The following ATXN2 variants were observed in gnomAD, a reference collection of about 807,000 sequenced individuals.
ATXN2 encodes the protein ataxin 2, also known as ataxin-2.
Under a neutral mutation model 138.6 loss-of-function variants are expected in ATXN2, and 37 were observed. That is an observed-to-expected ratio of 0.27 (90% CI 0.21 to 0.35). The LOEUF is 0.35. Among genes scored for constraint, ATXN2 ranks in the 10% least tolerant of loss-of-function variants. ATXN2 has a pLI of 1.00. For synonymous variants in ATXN2, 549 were observed against 543.7 expected (o/e 1.01, Z -0.13); for missense variants, 1,216 against 1,480.3 (o/e 0.82, Z 2.93).
intron 5 of ATXN2, among the ~76,000 whole-genome samples, chr12:111,539,056 T>C (rs1469624873): frequency 2.7e-5 from 4 of 150,410 alleles, no homozygotes; most frequent in Non-Finnish European, 6.0e-5. Flanking sequence ...AAGATTCCAA[T>C]ACAAAGATAC....
At chr12:111,481,688 CTCTT>C (rs1877252300) in intron 18 of ATXN2, among the ~76,000 whole-genome samples, 1 of 152,140 alleles carries the variant, frequency 6.6e-6, no homozygotes, top group East Asian at 1.9e-4. Flanking sequence ...TTGAGACTCA[CTCTT>C]TCACTCAGGC....
intron 1 of ATXN2, among the ~76,000 whole-genome samples, chr12:111,579,919 C>T (rs1306360109): frequency 6.6e-6 from 1 of 151,890 alleles, no homozygotes; most frequent in Non-Finnish European, 1.5e-5. Flanking sequence ...AGGCTGGTCT[C>T]GAACTCCTGA....
intron 15 of ATXN2, 71 bp downstream of exon 15, chr12:111,488,405 G>T: frequency 6.9e-7 from 1 of 1,451,998 alleles, no homozygotes; most frequent in Non-Finnish European, 9.3e-7. Flanking sequence ...ACAGTTGGAA[G>T]GACCTAAATG....
intron 1 of ATXN2, among the ~76,000 whole-genome samples, chr12:111,557,512 A>G (rs1882454708): frequency 6.6e-6 from 1 of 152,222 alleles, no homozygotes; most frequent in African/African-American, 2.4e-5. Flanking sequence ...ATCTTACTAC[A>G]AAACCAGACA....
At position 111,582,988 on chromosome 12, in the gene ATXN2, TG is replaced by T. The variant is rs1303691081; in HGVS notation, c.251+15795del. On this transcript the variant is annotated intron_variant, in intron 1 of 24. Transcript: ENST00000673436. ...CGGCCAGTATCTCAGTTTTTTTTTT[TG>T]TTTGTTTTTTTTTTTTTTTTGGAGA... Among the ~76,000 whole-genome samples the T allele has an allele frequency of 7.4e-3, 762 of 103,416 alleles. 9 individuals are homozygous for T. Among genetic ancestry groups the T allele is most frequent in the African/African-American group, 0.027 (663 of 24,180 alleles). 67.8% of individuals were successfully genotyped at this position (103,416 alleles called of 152,430 possible). A position where few individuals can be genotyped will look rare whatever the true frequency, so the allele number is the denominator to read the frequency against.
intron 1 of ATXN2, among the ~76,000 whole-genome samples, chr12:111,566,486 C>T (rs1214695287): frequency 6.6e-6 from 1 of 151,304 alleles, no homozygotes. Context: ...AAGGCTACTA[C>T]TGCCATTCAT....
intron 16 of ATXN2, 132 bp downstream of exon 16, chr12:111,486,629 T>C (rs1325111625): frequency 8.9e-6 from 6 of 674,748 alleles, no homozygotes; most frequent in Non-Finnish European, 1.5e-5. Context: ...TTAATGGCCA[T>C]GTAAAAAAAA....
At position 111,453,514 on chromosome 12, in the gene ATXN2, C is replaced by G; in HGVS notation, c.3439+163G>C. ...ACTCGGCTCCCGGAAGCCTCAGGCC[C>G]TGATGCTGAACTGATCGTCACAGTC... is the stretch of plus-strand genomic sequence containing the variant. On this transcript the variant is annotated intron_variant, in intron 24 of 24. Transcript: ENST00000673436. This position sits in a 1 kb window ranked among gnomAD's most constrained non-coding sequence, Gnocchi z 5.4. 7.4e-7 allele frequency: 1 copy of G among 1,351,328 alleles called. No homozygotes were observed. The highest frequency in any genetic ancestry group is 9.5e-7 in the Non-Finnish European group (1 of 1,054,726). The allele number at this position is 1,351,328 out of a possible 1,614,324, so 83.7% of individuals were successfully genotyped here.
chr12:111,594,712 G>A (rs768136703), intron 1 of ATXN2, among the ~76,000 whole-genome samples: 14 of 152,064 alleles, frequency 9.2e-5, no homozygotes, highest in Non-Finnish European at 1.6e-4. Flanking sequence ...GTCAACCAGC[G>A]AAAATTCCCA....
At chr12:111,510,799 T>C (rs1879460285) in intron 11 of ATXN2, 6 of 382,262 alleles carry the variant, frequency 1.6e-5, no homozygotes, top group Non-Finnish European at 2.8e-5. Context: ...AACATAAGTA[T>C]GATTTTCTCT....
chr12:111,453,239 C>T lies in ATXN2; in HGVS notation c.3440-399G>A, dbSNP rs529948392. 2.7e-5 allele frequency: 29 copies of T among 1,070,876 alleles called. No homozygotes were observed. Among genetic ancestry groups the T allele is most frequent in the Admixed American group, 1.5e-4 (3 of 19,466 alleles). 66.3% of individuals were successfully genotyped at this position (1,070,876 alleles called of 1,614,324 possible). On this transcript the variant is annotated intron_variant, in intron 24 of 24. Transcript: ENST00000673436. This position sits in a 1 kb window ranked among gnomAD's most constrained non-coding sequence, Gnocchi z 5.4. ...TCCCCTGTTCAGGGGCTGGGGCTAA[C>T]GCTACACTCAAAGCCAGTCCATCCA... is the stretch of plus-strand genomic sequence containing the variant.
rs776851542 is a variant in ATXN2 at position 111,453,800 on chromosome 12, C to T, written c.3316G>A (p.Ala1106Thr). 1 of 1,614,072 alleles carries T rather than the reference C, an allele frequency of 6.2e-7. No individual in the cohort carries two copies. The highest frequency in any genetic ancestry group is 8.5e-7 in the Non-Finnish European group (1 of 1,179,986). ...TGTGTCGTCATTAGCATCATTGGCG[C>T]ATGGGCAGTTGGATGAGAAGGAACC... is the stretch of plus-strand genomic sequence containing the variant. Reference protein sequence around the residue: ...GMVPSHPTAHAPMMLMTTQPP... With the variant: ...GMVPSHPTAHTPMMLMTTQPP... Residue 1106 changes from alanine to threonine, a missense_variant, in exon 24 of 25, where the codon GCG (alanine) becomes ACG (threonine). Physicochemically the swap from Ala to Thr is moderately conservative, Grantham distance 58. Around this residue, in one of 4 missense-constraint regions of ATXN2, gnomAD observed 490 missense variants for 653.5 expected, o/e 0.75. Coordinates refer to ENST00000673436, the MANE Select transcript of ATXN2 (RefSeq NM_001372574.1). The surrounding 1 kb of genome is among the most constrained non-coding windows in gnomAD (Gnocchi z 5.4).
At chr12:111,495,499 A>T (rs1035890945) in intron 14 of ATXN2, among the ~76,000 whole-genome samples, 3 of 152,206 alleles carry the variant, frequency 2.0e-5, no homozygotes, top group Non-Finnish European at 2.9e-5. Flanking sequence ...CAGACAAAGA[A>T]GATTATTGTA....
chr12:111,508,692 C>T (rs536067677), intron 14 of ATXN2, among the ~76,000 whole-genome samples: 3 of 151,920 alleles, frequency 2.0e-5, no homozygotes, highest in Non-Finnish European at 4.4e-5. Flanking sequence ...GGTGATCTGC[C>T]CACCTCGGCC....
chr12:111,591,559 G>A (rs890858517), intron 1 of ATXN2, among the ~76,000 whole-genome samples: 10 of 151,982 alleles, frequency 6.6e-5, no homozygotes, highest in African/African-American at 2.4e-4. Flanking sequence ...CAGCTACTCA[G>A]GAGGCTAAGA....
At chr12:111,492,870 T>C (rs117647254) in intron 14 of ATXN2, among the ~76,000 whole-genome samples, 109 of 152,172 alleles carry the variant, frequency 7.2e-4, no homozygotes, top group Non-Finnish European at 1.4e-3. Context: ...TGATAAGAGA[T>C]ATGTGAACTT....
chr12:111,530,059 T>C (rs775991922), intron 5 of ATXN2, among the ~76,000 whole-genome samples: 17 of 152,214 alleles, frequency 1.1e-4, no homozygotes, highest in Non-Finnish European at 2.1e-4. Flanking sequence ...TCAATTCCTA[T>C]TCCTGCGGCA....
chr12:111,526,410 TTTTTTTC>T (rs942309765), intron 5 of ATXN2, among the ~76,000 whole-genome samples: 25 of 96,246 alleles, frequency 2.6e-4, no homozygotes, highest in East Asian at 1.3e-3. Flanking sequence ...TCTCTTTTTT[TTTTTTTC>T]TTTTTTGAGA....
At chr12:111,454,851 G>A in intron 23 of ATXN2, 1 of 534,502 alleles carries the variant, frequency 1.9e-6, no homozygotes, top group South Asian at 2.4e-5. Flanking sequence ...TTAGCCACCA[G>A]CCTCTGGTAG....
Sources: allele counts gnomAD v4.1 joint callset (sites outside exome capture counted in the v4.1 genomes callset), GRCh38; gene constraint gnomAD v4.1.1; regional missense constraint gnomAD v4.1.1; non-coding constraint Gnocchi (gnomAD v3.1); transcripts MANE v1.5; gene names NCBI Gene and HGNC (gene_info 2026-07-23, HGNC 2026-07-21).